Variants in UROC1 observed in about 807,000 individuals in gnomAD.
The protein encoded by UROC1 is urocanate hydratase 1, also known as urocanate hydratase.
UROC1 carries 79 observed loss-of-function variants against 89.5 expected under a neutral mutation model. The observed-to-expected ratio is 0.88, with a 90% CI of 0.74 to 1.06. The LOEUF (loss-of-function observed/expected upper bound fraction) is 1.06, where lower values mean the gene tolerates loss of function less well. Ranked by LOEUF, UROC1 falls within the 50% of genes least tolerant of loss-of-function variation. The probability of loss-of-function intolerance (pLI) is 0.00; values close to 1 mark genes in which losing one functional copy is unlikely to be tolerated. For missense variants in UROC1, 885 were observed against 907.8 expected, an observed-to-expected ratio of 0.97 and a Z score of 0.32; for synonymous variants, 361 against 354.8, an observed-to-expected ratio of 1.02 and a Z score of -0.20.
In UROC1 at chr3:126,500,686, A is replaced by C. The variant is rs778080052; in HGVS notation, c.1145+9T>G. ...AAATGCTTCTGCCACCCCCAACTCC[A>C]AGTAGCACCTTTCCTGGACCAGGTC... is the stretch of plus-strand genomic sequence containing the variant. On this transcript the variant is annotated intron_variant, in intron 11 of 19. Transcript: ENST00000290868. The C allele has an allele frequency of 6.2e-7, 1 of 1,614,066 alleles. No individual in the cohort carries two copies. The highest frequency in any genetic ancestry group is 2.2e-5 in the East Asian group (1 of 44,870).
Position 126,492,427 on chromosome 3 carries a change from C to T in UROC1, c.1599G>A (p.Arg533=). 1 of 1,613,548 alleles carries T rather than the reference C, an allele frequency of 6.2e-7. No homozygotes were observed. Among genetic ancestry groups the T allele is most frequent in the Non-Finnish European group, 8.5e-7 (1 of 1,179,894 alleles). The change falls in exon 16 of 20, where the codon AGG becomes AGA. Residue 533 remains arginine (R), a synonymous_variant. Transcript: ENST00000290868. Reference sequence around the variant, plus strand: ...GCACAGGACACCTCACCTTGATCCTCCTGCAGGCGATGGCCTGGTTAATGG... The same window carrying T: ...GCACAGGACACCTCACCTTGATCCTTCTGCAGGCGATGGCCTGGTTAATGG... ...AVAINQAIAC[R]RIKAPVVLSR...
At chr3:126,508,678 G>T (rs1390378604) in intron 3 of UROC1, among the ~76,000 whole-genome samples, 2 of 152,196 alleles carry the variant, frequency 1.3e-5, no homozygotes, top group African/African-American at 4.8e-5. Context: ...GGGGTCAGGG[G>T]CAGATCTGGG....
chr3:126,487,487 A>G (rs982620121), intron 18 of UROC1, among the ~76,000 whole-genome samples: 16 of 152,192 alleles, frequency 1.1e-4, no homozygotes, highest in Non-Finnish European at 1.9e-4. Context: ...GCCTGTCGGA[A>G]TGCTCCACCG....
intron 11 of UROC1, 89 bp downstream of exon 11, chr3:126,500,606 G>A (rs1935895319): frequency 6.5e-7 from 1 of 1,542,790 alleles, no homozygotes; most frequent in African/African-American, 1.4e-5. Context: ...CCAAGCAGCT[G>A]GTTGCTGGAG....
At chr3:126,483,084 C>T (rs4679123) in intron 19 of UROC1, among the ~76,000 whole-genome samples, 4,992 of 152,294 alleles carry the variant, frequency 0.033, 92 homozygotes, top group South Asian at 0.051. Context: ...CTCATGCTCA[C>T]GCTCCGGGCC....
intron 15 of UROC1, among the ~76,000 whole-genome samples, chr3:126,495,356 G>C (rs1935752917): frequency 6.6e-6 from 1 of 152,098 alleles, no homozygotes; most frequent in African/African-American, 2.4e-5. Flanking sequence ...CTGTCTCTAT[G>C]AATTTGACTG....
intron 15 of UROC1, among the ~76,000 whole-genome samples, chr3:126,493,803 G>A (rs557476918): frequency 2.6e-5 from 4 of 152,304 alleles, no homozygotes; most frequent in African/African-American, 4.8e-5. Context: ...ATGTCAGTAC[G>A]CTGAGGCTGA....
At chr3:126,482,537 C>A in intron 19 of UROC1, 52 bp from the exon 20 acceptor site, 1 of 1,612,938 alleles carries the variant, frequency 6.2e-7, no homozygotes, top group South Asian at 1.1e-5. Context: ...GGGCTCCCCA[C>A]GTGAGTCTTG....
chr3:126,509,276 T>C (rs1294961578), intron 3 of UROC1, among the ~76,000 whole-genome samples: 2 of 151,872 alleles, frequency 1.3e-5, no homozygotes, highest in Non-Finnish European at 2.9e-5. Context: ...ATATTTTTGA[T>C]ATATCAGGAT....
intron 3 of UROC1, among the ~76,000 whole-genome samples, chr3:126,509,070 T>G (rs1337043198): frequency 6.6e-6 from 1 of 152,080 alleles, no homozygotes; most frequent in Non-Finnish European, 1.5e-5. Flanking sequence ...GATTACATGT[T>G]AAAATAATAA....
intron 15 of UROC1, 99 bp downstream of exon 15, chr3:126,495,939 G>A: frequency 8.4e-7 from 1 of 1,190,214 alleles, no homozygotes; most frequent in Non-Finnish European, 1.2e-6. Context: ...GCAAGCTGGA[G>A]GCTGTGGACC....
At chr3:126,499,316 T>A (rs6771670) in intron 13 of UROC1, 21 bp downstream of exon 13, 459,803 of 1,605,238 alleles carry the variant, frequency 0.29, 69,363 homozygotes, top group Middle Eastern at 0.32. Flanking sequence ...ACACTAGATG[T>A]GGCAGCCGCC....
intron 6 of UROC1, 49 bp downstream of exon 6, chr3:126,507,693 C>T (rs774306190): frequency 1.9e-6 from 3 of 1,587,970 alleles, no homozygotes; most frequent in Non-Finnish European, 2.6e-6. Context: ...TATAATGACC[C>T]ATGGCTAACG....
intron 18 of UROC1, 91 bp from the exon 19 acceptor site, chr3:126,483,559 A>AG: frequency 8.0e-7 from 1 of 1,257,570 alleles, no homozygotes; most frequent in Non-Finnish European, 1.1e-6. Context: ...CATTGGCTTG[A>AG]GACGGCGTCA....
chr3:126,502,715 TTG>T (rs1454288381), intron 9 of UROC1, among the ~76,000 whole-genome samples: 7 of 151,536 alleles, frequency 4.6e-5, no homozygotes, highest in East Asian at 1.9e-4. Flanking sequence ...TATGTATGTG[TTG>T]TGTGTTATGT....
At chr3:126,483,627 G>A (rs1418992316) in intron 18 of UROC1, among the ~76,000 whole-genome samples, 159 bp from the exon 19 acceptor site, 1 of 152,254 alleles carries the variant, frequency 6.6e-6, no homozygotes, top group East Asian at 1.9e-4. Flanking sequence ...GAGTCGTGCA[G>A]GCAAGCACAG....
chr3:126,500,221 A>C (rs1935885320), intron 11 of UROC1, 67 bp from the exon 12 acceptor site: 6 of 1,496,202 alleles, frequency 4.0e-6, no homozygotes, highest in Non-Finnish European at 5.5e-6. Context: ...TGGCACCCTC[A>C]GTCGCACCCG....
chr3:126,508,015 G>A lies in UROC1; in HGVS notation c.492C>T (p.Leu164=). ...GTGGGGCACTGCGGCTGCTGGGAAA[G>A]AGGCCAAGTGGGTGCCCACTGTACA... ...LVMYSGHPLG[L]FPSSRSAPRL... is the part of the protein sequence containing the mutation. Residue 164 remains leucine (L), a synonymous_variant, in exon 5 of 20, where the codon CTC becomes CTT. Coordinates refer to ENST00000290868, the MANE Select transcript of UROC1 (RefSeq NM_144639.3). 1 of 1,614,072 alleles carries A rather than the reference G, an allele frequency of 6.2e-7. No homozygotes were observed. The highest frequency in any genetic ancestry group is 1.7e-5 in the Admixed American group (1 of 60,028).
chr3:126,500,966 C>T (rs1935906602), intron 10 of UROC1, 92 bp from the exon 11 acceptor site: 2 of 1,541,480 alleles, frequency 1.3e-6, no homozygotes, highest in Admixed American at 1.8e-5. Flanking sequence ...CACATTTTCC[C>T]ACCCACAAAT....
Sources: allele counts gnomAD v4.1 joint callset (sites outside exome capture counted in the v4.1 genomes callset), GRCh38; gene constraint gnomAD v4.1.1; transcripts MANE v1.5; gene names NCBI Gene and HGNC (gene_info 2026-07-23, HGNC 2026-07-21).